SPEF2: variants seen among roughly 807,000 people sequenced by gnomAD.
SPEF2 encodes sperm flagella and cilia-associated protein 2.
SPEF2 carries 187 observed loss-of-function variants against 224.6 expected under a neutral mutation model. That is an observed-to-expected ratio of 0.83 (90% CI 0.74 to 0.94). The LOEUF is 0.94. Among genes scored for constraint, SPEF2 ranks in the 40% least tolerant of loss-of-function variants. SPEF2 has a pLI of 0.00. For missense variants in SPEF2, 2,170 were observed against 2,135.6 expected (o/e 1.02, Z -0.32); for synonymous variants, 715 against 707.3 (o/e 1.01, Z -0.17).
chr5:35,716,084 C>T (rs1441518530), intron 20 of SPEF2, among the ~76,000 whole-genome samples: 2 of 151,718 alleles, frequency 1.3e-5, no homozygotes, highest in Non-Finnish European at 1.5e-5. Flanking sequence ...CTGTTGCAGT[C>T]CAAGAGTGTG....
intron 26 of SPEF2, among the ~76,000 whole-genome samples, chr5:35,766,685 G>A (rs946276044): frequency 1.3e-5 from 2 of 150,794 alleles, no homozygotes; most frequent in African/African-American, 2.4e-5. Flanking sequence ...TTTTCTTTGG[G>A]TTTACTTTGC....
rs60857559 is a variant in SPEF2 at position 35,712,807 on chromosome 5, T to C, written c.2840-5T>C. 584 of 1,613,698 alleles carry C rather than the reference T, an allele frequency of 3.6e-4. 2 individuals carry two copies. In the African/African-American group the frequency reaches 7.0e-3, roughly 19 times the overall value. Reference sequence around the variant, plus strand: ...AATGATTTTTGTGTGTCGAATTTTGTTTAGAAGCCCCGCATGGTAAGCAAG... The same window carrying C: ...AATGATTTTTGTGTGTCGAATTTTGCTTAGAAGCCCCGCATGGTAAGCAAG... On this transcript the variant is annotated splice_region_variant and splice_polypyrimidine_tract_variant and intron_variant, in intron 19 of 36. Coordinates refer to ENST00000356031, the MANE Select transcript of SPEF2 (RefSeq NM_024867.4).
At chr5:35,791,977 G>C (rs1253184255) in intron 30 of SPEF2, among the ~76,000 whole-genome samples, 1 of 151,958 alleles carries the variant, frequency 6.6e-6, no homozygotes. Flanking sequence ...TTACTCTTGT[G>C]CCCTACAGCA....
At chr5:35,792,032 T>C (rs1441314249) in intron 30 of SPEF2, among the ~76,000 whole-genome samples, 1 of 152,096 alleles carries the variant, frequency 6.6e-6, no homozygotes, top group Non-Finnish European at 1.5e-5. Context: ...AAATTTAGCC[T>C]ATTCTGAGTG....
chr5:35,708,082 C>T (rs1740179131), intron 18 of SPEF2, among the ~76,000 whole-genome samples: 1 of 152,136 alleles, frequency 6.6e-6, no homozygotes, highest in Admixed American at 6.6e-5. Context: ...GCAATCAGAA[C>T]TATTGTTTGC....
intron 20 of SPEF2, among the ~76,000 whole-genome samples, chr5:35,721,695 C>G (rs1220036669): frequency 1.3e-5 from 2 of 151,678 alleles, no homozygotes; most frequent in South Asian, 2.1e-4. Context: ...TTCTTTAGGC[C>G]GAATTAGTTA....
At chr5:35,633,231 A>G (rs1158527358) in intron 2 of SPEF2, among the ~76,000 whole-genome samples, 3 of 152,028 alleles carry the variant, frequency 2.0e-5, no homozygotes, top group African/African-American at 7.2e-5. Context: ...GAAAGTTGGA[A>G]CCAAAGTCTC....
chr5:35,759,760 A>AT, intron 25 of SPEF2, 41 bp downstream of exon 25: 2 of 1,453,378 alleles, frequency 1.4e-6, no homozygotes, highest in Non-Finnish European at 1.8e-6. Flanking sequence ...TGTTTTGAAC[A>AT]TAAAGCTTTG....
intron 36 of SPEF2, chr5:35,807,757 A>G (rs1331647497): frequency 6.5e-7 from 1 of 1,536,004 alleles, no homozygotes; most frequent in Non-Finnish European, 8.7e-7. Flanking sequence ...AAACTGGACA[A>G]ACCCAGCAGA....
chr5:35,812,802 A>G (rs892622465), intron 36 of SPEF2, among the ~76,000 whole-genome samples: 2 of 152,230 alleles, frequency 1.3e-5, no homozygotes, highest in Non-Finnish European at 1.5e-5. Flanking sequence ...TTAGGATAAC[A>G]TACCTATAAT....
chr5:35,708,688 T>A (rs200730170), intron 18 of SPEF2, among the ~76,000 whole-genome samples: 34 of 594 alleles, frequency 0.057, no homozygotes, highest in East Asian at 0.12. Context: ...CACCTCTACC[T>A]CCATCACCAT....
intron 20 of SPEF2, among the ~76,000 whole-genome samples, chr5:35,725,707 C>T (rs777182124): frequency 8.5e-5 from 13 of 152,264 alleles, no homozygotes; most frequent in Non-Finnish European, 1.5e-4. Flanking sequence ...ACTGCTGTGT[C>T]ACTTTGTCTT....
At chr5:35,684,037 C>A (rs1435339889) in intron 10 of SPEF2, 1 of 152,012 alleles carries the variant, frequency 6.6e-6, no homozygotes, top group Non-Finnish European at 1.5e-5. Context: ...TGTCTATTTA[C>A]AATACCTGAA....
At chr5:35,796,065 C>T (rs1023793115) in intron 33 of SPEF2, among the ~76,000 whole-genome samples, 2 of 152,188 alleles carry the variant, frequency 1.3e-5, no homozygotes, top group Admixed American at 6.5e-5. Flanking sequence ...TCATCTTCTT[C>T]GTCTGTCAAA....
intron 30 of SPEF2, among the ~76,000 whole-genome samples, chr5:35,780,752 T>C (rs991275824): frequency 6.6e-6 from 1 of 152,142 alleles, no homozygotes; most frequent in Non-Finnish European, 1.5e-5. Flanking sequence ...TGACATGTGG[T>C]TTGCTTTAAT....
At chr5:35,807,373 GA>G in intron 36 of SPEF2, 120 bp downstream of exon 36, 2 of 1,386,644 alleles carry the variant, frequency 1.4e-6, no homozygotes, top group Non-Finnish European at 9.7e-7. Context: ...GGCCAGGCCA[GA>G]ATCTGGAGAA....
At chr5:35,683,507 C>G (rs748842269) in intron 10 of SPEF2, among the ~76,000 whole-genome samples, 1 of 152,202 alleles carries the variant, frequency 6.6e-6, no homozygotes, top group Non-Finnish European at 1.5e-5. Context: ...TGCCTGTAAT[C>G]CCTGCTACTT....
chr5:35,709,700 G>A (rs960513961), intron 19 of SPEF2: 7 of 985,342 alleles, frequency 7.1e-6, no homozygotes, highest in Non-Finnish European at 7.2e-6. Flanking sequence ...GTTTAAGTTT[G>A]TTCTAGATCC....
intron 1 of SPEF2, among the ~76,000 whole-genome samples, chr5:35,626,555 G>A (rs981491546): frequency 2.0e-5 from 3 of 152,066 alleles, no homozygotes; most frequent in Admixed American, 6.6e-5. Context: ...GACAAAAAAA[G>A]CATTGCTTCC....
Sources: allele counts gnomAD v4.1 joint callset (sites outside exome capture counted in the v4.1 genomes callset), GRCh38; gene constraint gnomAD v4.1.1; transcripts MANE v1.5; gene names NCBI Gene and HGNC (gene_info 2026-07-23, HGNC 2026-07-21).